The following PVR variants were observed in gnomAD, a reference collection of about 807,000 sequenced individuals.
PVR encodes poliovirus receptor.
In PVR, 39 loss-of-function variants were observed where a neutral mutation model predicts 43.3. The ratio of observed to expected loss-of-function variants is 0.90; its 90% CI spans 0.70 to 1.18. The LOEUF (loss-of-function observed/expected upper bound fraction) is 1.18. Among genes scored for constraint, PVR ranks in the 50% most tolerant of loss-of-function variants. The probability of loss-of-function intolerance (pLI) is 0.00; values close to 1 mark genes in which losing one functional copy is unlikely to be tolerated. For missense variants in PVR, 480 were observed against 549.7 expected, an observed-to-expected ratio of 0.87 and a Z score of 1.27; for synonymous variants, 224 against 233.2, an observed-to-expected ratio of 0.96 and a Z score of 0.36.
intron 4 of PVR, among the ~76,000 whole-genome samples, chr19:44,657,339 G>A (rs559764788): frequency 3.3e-5 from 5 of 152,158 alleles, no homozygotes; most frequent in East Asian, 1.9e-4. Flanking sequence ...AGAAGACTTC[G>A]GTTTAACTCT....
intron 4 of PVR, among the ~76,000 whole-genome samples, chr19:44,655,852 C>T (rs1200016569): frequency 6.6e-6 from 1 of 151,142 alleles, no homozygotes; most frequent in Non-Finnish European, 1.5e-5. Flanking sequence ...AGAGCACCCC[C>T]AGCTCTCCTG....
At position 44,662,053 on chromosome 19, in the gene PVR, C is replaced by T. The variant is rs190967575; in HGVS notation, c.*242C>T. 15 of 541,790 alleles carry T rather than the reference C, an allele frequency of 2.8e-5. No homozygotes were observed. The highest frequency in any genetic ancestry group is 2.6e-4 in the African/African-American group (14 of 53,136). 33.6% of individuals were successfully genotyped at this position (541,790 alleles called of 1,614,324 possible). On this transcript the variant is annotated 3_prime_UTR_variant, in exon 8 of 8. Transcript: ENST00000425690. Reference sequence around the variant, plus strand: ...TTAGGCTCACAGTTACAGTTTATTACAGTAAAAGGACAGAGATTAAGATCA... The same window carrying T: ...TTAGGCTCACAGTTACAGTTTATTATAGTAAAAGGACAGAGATTAAGATCA...
chr19:44,661,947 G>A lies in PVR; in HGVS notation c.*136G>A, dbSNP rs1483407814. 9 of 742,704 alleles carry A rather than the reference G, an allele frequency of 1.2e-5. No homozygotes were observed. The highest frequency in any genetic ancestry group is 2.7e-5 in the East Asian group (1 of 37,152). The allele number at this position is 742,704 out of a possible 1,614,324, so 46.0% of individuals were successfully genotyped here. On this transcript the variant is annotated 3_prime_UTR_variant, in exon 8 of 8. Coordinates refer to ENST00000425690, the MANE Select transcript of PVR (RefSeq NM_006505.5). ...TCCCTGTGCCAGACCTCAAAACGAC[G>A]GGGGCAGGTGCAAGTTCATAGGTCT...
intron 1 of PVR, among the ~76,000 whole-genome samples, chr19:44,645,091 T>C (rs1410613819): frequency 8.5e-5 from 8 of 93,878 alleles, no homozygotes; most frequent in Non-Finnish European, 1.5e-4. Flanking sequence ...TATAATAAAA[T>C]ATATAATATA....
chr19:44,647,092 A>AC, intron 1 of PVR, 131 bp from the exon 2 acceptor site: 9 of 41,170 alleles, frequency 2.2e-4, no homozygotes, highest in Non-Finnish European at 2.9e-4. Context: ...CTCCCCCCAC[A>AC]CCCCACGGTC....
In PVR at chr19:44,666,140, A is replaced by T. The variant is rs62119319; in HGVS notation, c.*4329A>T. 1,841 of 152,170 alleles carry T rather than the reference A, an allele frequency of 0.012. 20 individuals carry two copies. Among genetic ancestry groups the T allele is most frequent in the Non-Finnish European group, 0.021 (1,399 of 67,998 alleles). The allele number at this position is 152,170 out of a possible 1,614,324, so 9.4% of individuals were successfully genotyped here. On this transcript the variant is annotated 3_prime_UTR_variant, in exon 8 of 8. Transcript: ENST00000425690. ...TCTACAAGTTCTGCAATAAACCTTG[A>T]CTCTTCTTTTAATAATGCAAAAGGA... is the stretch of plus-strand genomic sequence containing the variant.
At chr19:44,647,077 T>TCTCC in intron 1 of PVR, 146 bp from the exon 2 acceptor site, 1 of 311,374 alleles carries the variant, frequency 3.2e-6, no homozygotes, top group Non-Finnish European at 5.7e-6. Context: ...GTGCCCCAGT[T>TCTCC]CCCCCTCCCC....
chr19:44,657,937 C>G, intron 5 of PVR, 27 bp downstream of exon 5: 1 of 1,610,596 alleles, frequency 6.2e-7, no homozygotes, highest in Non-Finnish European at 8.5e-7. Flanking sequence ...GTGGGAAGAA[C>G]AGGGACCAAA....
chr19:44,657,828 CA>C lies in PVR; in HGVS notation c.912del (p.Lys304AsnfsTer7). On this transcript the variant is annotated frameshift_variant, in exon 5 of 8. Coordinates refer to ENST00000425690, the MANE Select transcript of PVR (RefSeq NM_006505.5). LOFTEE classifies it high-confidence loss of function. The part of the protein sequence containing the change: ...GAQLLIRPVD[K>X]PINTTLICNV... ...CCCAGCTCCTGATCCGTCCTGTGGA[CA>C]AACCAATCAACACAACTTTAATCTG... is the stretch of plus-strand genomic sequence containing the variant. 1.2e-6 allele frequency: 2 copies of C among 1,614,002 alleles called. No homozygotes were observed. Among genetic ancestry groups the C allele is most frequent in the Non-Finnish European group, 1.7e-6 (2 of 1,179,946 alleles).
chr19:44,644,249 C>G, intron 1 of PVR, 74 bp downstream of exon 1: 2 of 1,221,958 alleles, frequency 1.6e-6, no homozygotes, highest in Non-Finnish European at 2.2e-6. Context: ...TACTCGCCCC[C>G]TTGGGTTCCC....
chr19:44,663,405 T>C lies in PVR; in HGVS notation c.*1594T>C, dbSNP rs954872044. On this transcript the variant is annotated 3_prime_UTR_variant, in exon 8 of 8. Transcript: ENST00000425690. ...GATGGAAGAGCCGGGAACAGAGAAGTGTGGGGAAGAGATAGGAACCAGCAG... is the reference window on the plus strand; with the variant it reads ...GATGGAAGAGCCGGGAACAGAGAAGCGTGGGGAAGAGATAGGAACCAGCAG... 12 of 151,862 alleles carry C rather than the reference T, an allele frequency of 7.9e-5. No homozygotes were observed. The highest frequency in any genetic ancestry group is 2.7e-4 in the African/African-American group (11 of 41,372). The allele number at this position is 151,862 out of a possible 1,614,324, so 9.4% of individuals were successfully genotyped here.
intron 4 of PVR, among the ~76,000 whole-genome samples, chr19:44,657,300 G>A (rs1006908125): frequency 2.0e-5 from 3 of 152,192 alleles, no homozygotes; most frequent in Non-Finnish European, 2.9e-5. Flanking sequence ...GAGGTAGCAG[G>A]GGCCAGATCA....
intron 1 of PVR, among the ~76,000 whole-genome samples, chr19:44,645,443 A>ATATATATATATATATATATAT (rs1412998383): frequency 2.4e-4 from 28 of 115,606 alleles, no homozygotes; most frequent in Non-Finnish European, 3.8e-4. Context: ...ATATATATAT[A>ATATATATATATATATATATAT]TAGTGCGTGT....
intron 3 of PVR, 56 bp from the exon 4 acceptor site, chr19:44,653,844 G>C: frequency 8.1e-7 from 1 of 1,233,368 alleles, no homozygotes; most frequent in South Asian, 1.2e-5. Flanking sequence ...ATCCCGCGTA[G>C]CCCCAGGCCC....
Position 44,644,063 on chromosome 19 carries a change from C to A in PVR, c.-34C>A. 1 of 1,496,134 alleles carries A rather than the reference C, an allele frequency of 6.7e-7. No homozygotes were observed. Among genetic ancestry groups the A allele is most frequent in the Non-Finnish European group, 8.9e-7 (1 of 1,127,868 alleles). The allele number at this position is 1,496,134 out of a possible 1,614,324, so 92.7% of individuals were successfully genotyped here. A position where few individuals can be genotyped will look rare whatever the true frequency, so the allele number is the denominator to read the frequency against. On this transcript the variant is annotated 5_prime_UTR_variant, in exon 1 of 8. Coordinates refer to ENST00000425690, the MANE Select transcript of PVR (RefSeq NM_006505.5). ...GCGGGCGCCGGGAAGCGAGGAGACG[C>A]CCGCGGGAGGCCCAGCTGCTCGGAG...
intron 3 of PVR, among the ~76,000 whole-genome samples, chr19:44,650,861 G>A (rs1043703005): frequency 4.0e-5 from 6 of 151,696 alleles, no homozygotes; most frequent in Admixed American, 2.0e-4. Flanking sequence ...CACTGTGCCC[G>A]GCTTTTTGTT....
At chr19:44,661,443 A>G in intron 7 of PVR, 120 bp downstream of exon 7, 1 of 1,101,374 alleles carries the variant, frequency 9.1e-7, no homozygotes, top group Non-Finnish European at 1.4e-6. Flanking sequence ...TGCCTCGAGC[A>G]GCATTTCCCA....
At position 44,644,067 on chromosome 19, in the gene PVR, C is replaced by A; in HGVS notation, c.-30C>A. On this transcript the variant is annotated 5_prime_UTR_variant, in exon 1 of 8. Transcript: ENST00000425690. ...GCGCCGGGAAGCGAGGAGACGCCCG[C>A]GGGAGGCCCAGCTGCTCGGAGCAAC... 1 of 1,497,824 alleles carries A rather than the reference C, an allele frequency of 6.7e-7. No homozygotes were observed. The highest frequency in any genetic ancestry group is 8.9e-7 in the Non-Finnish European group (1 of 1,129,260). The allele number at this position is 1,497,824 out of a possible 1,614,324, so 92.8% of individuals were successfully genotyped here. A position where few individuals can be genotyped will look rare whatever the true frequency, so the allele number is the denominator to read the frequency against.
chr19:44,647,075 G>T, intron 1 of PVR, 148 bp from the exon 2 acceptor site: 1 of 101,582 alleles, frequency 9.8e-6, no homozygotes, highest in South Asian at 2.2e-4. Flanking sequence ...TAGTGCCCCA[G>T]TTCCCCCTCC....
Sources: allele counts gnomAD v4.1 joint callset (sites outside exome capture counted in the v4.1 genomes callset), GRCh38; gene constraint gnomAD v4.1.1; transcripts MANE v1.5; gene names NCBI Gene and HGNC (gene_info 2026-07-23, HGNC 2026-07-21).